The following RAPGEF1 variants were observed in gnomAD, a reference collection of about 807,000 sequenced individuals.
RAPGEF1 encodes the protein Rap guanine nucleotide exchange factor 1.
In RAPGEF1, 33 loss-of-function variants were observed where a neutral mutation model predicts 143.3. That is an observed-to-expected ratio of 0.23 (90% CI 0.17 to 0.31). The LOEUF is 0.31. Ranked by LOEUF, RAPGEF1 falls within the 10% of genes least tolerant of loss-of-function variation. The pLI, the probability that RAPGEF1 is intolerant of heterozygous loss-of-function variation, is 1.00. For synonymous variants in RAPGEF1, 629 were observed against 676.5 expected (o/e 0.93, Z 1.09); for missense variants, 1,199 against 1,645.4 (o/e 0.73, Z 4.69).
chr9:131,714,153 C>T (rs11790386), intron 1 of RAPGEF1, among the ~76,000 whole-genome samples: 18,902 of 151,702 alleles, frequency 0.12, 1,514 homozygotes, highest in South Asian at 0.18. Context: ...AGTAGCTGGA[C>T]TCCAGGAGGA....
At chr9:131,704,068 C>T (rs1038408366) in intron 1 of RAPGEF1, among the ~76,000 whole-genome samples, 6 of 152,004 alleles carry the variant, frequency 3.9e-5, no homozygotes, top group Admixed American at 2.6e-4. Context: ...TTAGTGCTCA[C>T]GGTAGTCCTT....
At chr9:131,730,558 G>A (rs956557223) in intron 1 of RAPGEF1, among the ~76,000 whole-genome samples, 17 of 151,624 alleles carry the variant, frequency 1.1e-4, no homozygotes, top group Non-Finnish European at 2.4e-4. Context: ...AGCCGGGCGT[G>A]GTGGCGGGCG....
chr9:131,698,370 G>A (rs1192593754), intron 1 of RAPGEF1, among the ~76,000 whole-genome samples: 1 of 152,190 alleles, frequency 6.6e-6, no homozygotes, highest in Non-Finnish European at 1.5e-5. Context: ...CTTACTAGCT[G>A]CATGATCTTG....
At chr9:131,739,617 G>A (rs1326612757) in intron 1 of RAPGEF1, among the ~76,000 whole-genome samples, 153 bp downstream of exon 1, 1 of 149,622 alleles carries the variant, frequency 6.7e-6, no homozygotes, top group Non-Finnish European at 1.5e-5. Context: ...TGGAGGAGAA[G>A]CTGCCAGGCG....
At position 131,686,042 on chromosome 9, in the gene RAPGEF1, C is replaced by T. The variant is rs148589155; in HGVS notation, c.62-35093G>A. Among the ~76,000 whole-genome samples the T allele has an allele frequency of 1.9e-3, 287 of 152,248 alleles. 3 individuals carry two copies. The highest frequency in any genetic ancestry group is 3.1e-3 in the Non-Finnish European group (212 of 68,022). On this transcript the variant is annotated intron_variant, in intron 1 of 26. Transcript: ENST00000683357. ...GTGTGAATATCTCACCTCACTGATA[C>T]GATTCTGGTGTTTAAAGGTAACAAT...
chr9:131,638,994 G>A (rs572055229), intron 4 of RAPGEF1, among the ~76,000 whole-genome samples: 82 of 152,158 alleles, frequency 5.4e-4, no homozygotes, highest in African/African-American at 1.9e-3. Flanking sequence ...ATTCTAATCT[G>A]TGTTTCAAAA....
Position 131,588,934 on chromosome 9 carries a change from G to T in RAPGEF1, c.2920C>A (p.Arg974Ser). The change falls in exon 20 of 27, where the codon CGC becomes AGC. Residue 974 changes from arginine to serine, a missense_variant. By Grantham distance (110) the Arg-to-Ser change is moderately radical. This residue lies in a region of RAPGEF1 where 209 missense variants were observed against 403.0 expected (regional missense o/e 0.52). Transcript: ENST00000683357. Reference protein sequence around the residue: ...ILKLLMELVFRLVCNGELSLA... With the variant: ...ILKLLMELVFSLVCNGELSLA... ...CTCAGCTCCCCATTGCACACCAGGCGGAAGACCAGTTCCATCAGCAGCTTC... is the reference window on the plus strand; with the variant it reads ...CTCAGCTCCCCATTGCACACCAGGCTGAAGACCAGTTCCATCAGCAGCTTC... 6.2e-7 allele frequency: 1 copy of T among 1,613,928 alleles called. No homozygotes were observed. The highest frequency in any genetic ancestry group is 1.7e-4 in the Middle Eastern group (1 of 6,060).
chr9:131,739,612 G>C (rs973837153), intron 1 of RAPGEF1, among the ~76,000 whole-genome samples, 158 bp downstream of exon 1: 1 of 149,586 alleles, frequency 6.7e-6, no homozygotes, highest in Non-Finnish European at 1.5e-5. Flanking sequence ...GGGCCTGGAG[G>C]AGAAGCTGCC....
chr9:131,590,023 G>T (rs3818580), intron 18 of RAPGEF1, 45 bp from the exon 19 acceptor site: 57 of 1,561,002 alleles, frequency 3.7e-5, no homozygotes, highest in Non-Finnish European at 4.8e-5. Context: ...GGCTGAGGGT[G>T]GTGGAGTGGA....
chr9:131,579,271 C>A lies in RAPGEF1; in HGVS notation c.*226G>T. The A allele has an allele frequency of 1.8e-6, 1 of 562,958 alleles. No homozygotes were observed. The highest frequency in any genetic ancestry group is 1.9e-5 in the African/African-American group (1 of 52,988). The allele number at this position is 562,958 out of a possible 1,614,324, so 34.9% of individuals were successfully genotyped here. On this transcript the variant is annotated 3_prime_UTR_variant, in exon 27 of 27. Transcript: ENST00000683357. ...ACCGGTTTGTAAATTGGCAACAAGA[C>A]CTGCCTGCTGGCTGCCCTGAGGCCC...
At position 131,667,911 on chromosome 9, in the gene RAPGEF1, T is replaced by C. The variant is rs989593437; in HGVS notation, c.62-16962A>G. 6.6e-6 allele frequency among the ~76,000 whole-genome samples: 1 copy of C among 152,228 alleles called. No individual in the cohort carries two copies. The highest frequency in any genetic ancestry group is 1.5e-5 in the Non-Finnish European group (1 of 68,046). On this transcript the variant is annotated intron_variant, in intron 1 of 26. Transcript: ENST00000683357. This position sits in a 1 kb window ranked among gnomAD's most constrained non-coding sequence, Gnocchi z 4.6. ...ACATACAGTGAGTCACTAAGCCCAG[T>C]CCTGGCACTTAGTTAACATTCATAA...
rs769200059 is a variant in RAPGEF1 at position 131,628,958 on chromosome 9, C to T, written c.893+144G>A. 41 of 1,154,548 alleles carry T rather than the reference C, an allele frequency of 3.6e-5. No homozygotes were observed. The highest frequency in any genetic ancestry group is 4.8e-5 in the South Asian group (3 of 61,912). The allele number at this position is 1,154,548 out of a possible 1,614,324, so 71.5% of individuals were successfully genotyped here. ...AGAGCTCAGGGTGGCCAGCGAGGGC[C>T]GGCGGGGTGGGGACAGCTCCAGAGT... is the stretch of plus-strand genomic sequence containing the variant. On this transcript the variant is annotated intron_variant, in intron 7 of 26. Coordinates refer to ENST00000683357, the MANE Select transcript of RAPGEF1 (RefSeq NM_001377935.1). The surrounding 1 kb of genome is among the most constrained non-coding windows in gnomAD (Gnocchi z 5.7).
chr9:131,663,939 T>C (rs1023340495), intron 1 of RAPGEF1, among the ~76,000 whole-genome samples: 3 of 152,230 alleles, frequency 2.0e-5, no homozygotes, highest in African/African-American at 4.8e-5. Flanking sequence ...TGGTTACACA[T>C]TGGTGATTAT....
At chr9:131,614,930 G>C (rs1462472090) in intron 12 of RAPGEF1, among the ~76,000 whole-genome samples, 1 of 151,534 alleles carries the variant, frequency 6.6e-6, no homozygotes, top group African/African-American at 2.4e-5. Context: ...TAATTATCCA[G>C]ATTCATTCTG....
intron 17 of RAPGEF1, among the ~76,000 whole-genome samples, chr9:131,594,847 G>A (rs886077386): frequency 2.0e-5 from 3 of 152,226 alleles, no homozygotes; most frequent in Admixed American, 1.3e-4. Context: ...TACCCGACAG[G>A]ACAGTGGAGT....
Position 131,627,923 on chromosome 9 carries a change from A to G in RAPGEF1, c.1191T>C (p.Cys397=). ...DSGQCSRNTS[C]ETLDHYDPDY... is the part of the protein sequence containing the mutation. ...ATGGTGGCGGCTCACCTAGTGTTTC[A>G]CAGCTTGTGTTCCGGGAGCACTGCC... is the stretch of plus-strand genomic sequence containing the variant. Residue 397 remains cysteine (C), a synonymous_variant, in exon 9 of 27, where the codon TGT becomes TGC. Transcript: ENST00000683357. 1.3e-6 allele frequency: 2 copies of G among 1,582,256 alleles called. No homozygotes were observed. Among genetic ancestry groups the G allele is most frequent in the Non-Finnish European group, 1.7e-6 (2 of 1,164,434 alleles).
intron 12 of RAPGEF1, among the ~76,000 whole-genome samples, chr9:131,606,547 G>T (rs1189582909): frequency 1.3e-5 from 2 of 152,210 alleles, no homozygotes; most frequent in African/African-American, 2.4e-5. Flanking sequence ...CTCTGTGTTT[G>T]CTGTGGCTGG....
chr9:131,580,452 A>C, intron 25 of RAPGEF1, 61 bp from the exon 26 acceptor site: 1 of 1,571,640 alleles, frequency 6.4e-7, no homozygotes. Context: ...CAAGGGCTAG[A>C]GACATGTGTC....
At chr9:131,627,672 C>T (rs1411533857) in intron 9 of RAPGEF1, among the ~76,000 whole-genome samples, 1 of 152,214 alleles carries the variant, frequency 6.6e-6, no homozygotes, top group African/African-American at 2.4e-5. Context: ...AACTAACAGT[C>T]ACCGCTTGAA....
Sources: allele counts gnomAD v4.1 joint callset (sites outside exome capture counted in the v4.1 genomes callset), GRCh38; gene constraint gnomAD v4.1.1; regional missense constraint gnomAD v4.1.1; non-coding constraint Gnocchi (gnomAD v3.1); transcripts MANE v1.5; gene names NCBI Gene and HGNC (gene_info 2026-07-23, HGNC 2026-07-21).